The following ZNF536 variants were observed in gnomAD, a reference collection of about 807,000 sequenced individuals.
ZNF536 encodes the protein zinc finger protein 536.
In ZNF536, 13 loss-of-function variants were observed where a neutral mutation model predicts 84.5. That is an observed-to-expected ratio of 0.15 (90% CI 0.10 to 0.24). The LOEUF (loss-of-function observed/expected upper bound fraction) is 0.24. Ranked by LOEUF, ZNF536 falls within the 10% of genes least tolerant of loss-of-function variation. ZNF536 has a pLI of 1.00. For missense variants in ZNF536, 1,536 were observed against 1,747.5 expected (o/e 0.88, Z 2.16); for synonymous variants, 811 against 742.5 (o/e 1.09, Z -1.50).
At chr19:30,392,583 T>G (rs2049643875) in intron 1 of ZNF536, among the ~76,000 whole-genome samples, 1 of 152,188 alleles carries the variant, frequency 6.6e-6, no homozygotes, top group South Asian at 2.1e-4. Context: ...CCAGTCCTCC[T>G]TCTTTCTGTG....
At chr19:30,254,642 A>G (rs2145149982) in intron 1 of ZNF536, among the ~76,000 whole-genome samples, 1 of 151,638 alleles carries the variant, frequency 6.6e-6, no homozygotes, top group East Asian at 1.9e-4. Flanking sequence ...CGCCAATGTG[A>G]ACTGAAAATG....
intron 2 of ZNF536, among the ~76,000 whole-genome samples, chr19:30,327,515 C>T (rs1406727179): frequency 1.3e-5 from 2 of 152,184 alleles, no homozygotes; most frequent in Admixed American, 6.5e-5. Context: ...ACACATGAAC[C>T]CAGCTTTGCA....
At chr19:30,354,480 T>G (rs1751589508) in intron 3 of ZNF536, among the ~76,000 whole-genome samples, 1 of 152,136 alleles carries the variant, frequency 6.6e-6, no homozygotes, top group South Asian at 2.1e-4. Context: ...CAATCCTCCC[T>G]CCTTGGCGTC....
chr19:30,347,241 T>C (rs532696971), intron 2 of ZNF536, among the ~76,000 whole-genome samples: 1 of 152,254 alleles, frequency 6.6e-6, no homozygotes, highest in Admixed American at 6.5e-5. Context: ...CTCTGTACAG[T>C]CATTTAAAAT....
rs564623082 is a variant in ZNF536, at chr19:30,349,315, G to C, written c.-119-3053G>C. ...TGCAGGCTGGCCTGGGGCACCTGTT[G>C]GTTCCAGATGTTTATGGCCTTGACC... On this transcript the variant is annotated intron_variant, in intron 2 of 5. Coordinates refer to the ZNF536 transcript ENST00000585628. Among the ~76,000 whole-genome samples, 184 of 152,294 alleles carry C rather than the reference G, an allele frequency of 1.2e-3. 1 individual carries two copies. Among genetic ancestry groups the C allele is most frequent in the African/African-American group, 4.2e-3 (175 of 41,552 alleles).
At chr19:30,624,709 G>GA (rs1315036448) in intron 1 of ZNF536, among the ~76,000 whole-genome samples, 1 of 152,136 alleles carries the variant, frequency 6.6e-6, no homozygotes, top group Non-Finnish European at 1.5e-5. Flanking sequence ...TGTGTCCTTG[G>GA]AATACCAGGT....
intron 2 of ZNF536, among the ~76,000 whole-genome samples, chr19:30,466,584 A>AAGAAAGAGAGAGAGAGAGAGAG (rs1555775076): frequency 6.9e-6 from 1 of 144,374 alleles, no homozygotes; most frequent in East Asian, 2.1e-4. Context: ...GAAAGAAAGA[A>AAGAAAGAGAGAGAGAGAGAGAG]AGAGAGAGAG....
chr19:30,629,260 A>G (rs2048799668), intron 1 of ZNF536, among the ~76,000 whole-genome samples: 2 of 152,132 alleles, frequency 1.3e-5, no homozygotes, highest in Non-Finnish European at 2.9e-5. Flanking sequence ...GTGCAGTGGC[A>G]TGATCACGGC....
intron 1 of ZNF536, among the ~76,000 whole-genome samples, chr19:30,609,748 A>C (rs1462778828): frequency 6.7e-6 from 1 of 150,020 alleles, no homozygotes; most frequent in Non-Finnish European, 1.5e-5. Flanking sequence ...CCATCCACCC[A>C]TCCACCTATC....
chr19:30,480,488 A>G (rs946787316), intron 2 of ZNF536, among the ~76,000 whole-genome samples: 3 of 152,070 alleles, frequency 2.0e-5, no homozygotes, highest in Non-Finnish European at 4.4e-5. Flanking sequence ...CATAAGTGGG[A>G]GTTGAACAAT....
chr19:30,451,636 C>T (rs1454759413), intron 2 of ZNF536, among the ~76,000 whole-genome samples: 2 of 152,170 alleles, frequency 1.3e-5, no homozygotes, highest in Non-Finnish European at 2.9e-5. Context: ...CTCTCTGCTC[C>T]AGCACTTAAC....
intron 2 of ZNF536, among the ~76,000 whole-genome samples, chr19:30,297,902 GT>G (rs1274296565): frequency 8.4e-5 from 10 of 119,626 alleles, no homozygotes; most frequent in Admixed American, 5.4e-4. Flanking sequence ...TCAAGACGGA[GT>G]CCCCCCCCCC....
chr19:30,579,519 C>T (rs1175839113), intron 1 of ZNF536, among the ~76,000 whole-genome samples: 3 of 152,182 alleles, frequency 2.0e-5, no homozygotes, highest in African/African-American at 7.2e-5. Context: ...ATGATGGAGG[C>T]TCTTCCAAGA....
At chr19:30,383,111 G>A (rs575433473) in intron 1 of ZNF536, among the ~76,000 whole-genome samples, 1 of 152,278 alleles carries the variant, frequency 6.6e-6, no homozygotes, top group African/African-American at 2.4e-5. Flanking sequence ...TTAACATGGT[G>A]AAACCCAGTC....
At chr19:30,367,104 T>C (rs2048459795) in intron 3 of ZNF536, among the ~76,000 whole-genome samples, 1 of 152,218 alleles carries the variant, frequency 6.6e-6, no homozygotes, top group African/African-American at 2.4e-5. Flanking sequence ...AGTTTTTCCA[T>C]TTCTCACTTG....
At chr19:30,573,540 T>C (rs529610325) in intron 1 of ZNF536, among the ~76,000 whole-genome samples, 1 of 152,274 alleles carries the variant, frequency 6.6e-6, no homozygotes, top group Admixed American at 6.5e-5. Flanking sequence ...AGATTGGTCA[T>C]AGACTTTGGA....
chr19:30,671,295 G>T (rs377551745), intron 1 of ZNF536, among the ~76,000 whole-genome samples: 1 of 152,228 alleles, frequency 6.6e-6, no homozygotes, highest in African/African-American at 2.4e-5. Flanking sequence ...TTAGGTGCCC[G>T]TGACATAGTT....
At chr19:30,649,549 C>CTTTTTT (rs35137042) in intron 1 of ZNF536, among the ~76,000 whole-genome samples, 4 of 123,880 alleles carry the variant, frequency 3.2e-5, no homozygotes, top group Non-Finnish European at 3.4e-5. Context: ...CAGCATTTTC[C>CTTTTTT]TTTTTTTTTT....
At chr19:30,485,710 A>AT (rs397741396) in intron 2 of ZNF536, among the ~76,000 whole-genome samples, 1 of 150,932 alleles carries the variant, frequency 6.6e-6, no homozygotes, top group African/African-American at 2.4e-5. Flanking sequence ...GTGGGGGGAA[A>AT]CATCTTTTCT....
Sources: gnomAD v4.1 joint callset for allele counts (sites outside exome capture counted in the v4.1 genomes callset) on GRCh38, gnomAD v4.1.1 for gene constraint, MANE v1.5 for transcripts, NCBI Gene and HGNC (gene_info 2026-07-23, HGNC 2026-07-21) for gene names.